Variants in BEAN1 observed in about 807,000 individuals in gnomAD.
BEAN1 encodes the protein protein BEAN1.
A neutral mutation model predicts 17.7 loss-of-function variants in BEAN1; 17 were observed. The ratio of observed to expected loss-of-function variants is 0.96; its 90% CI spans 0.66 to 1.44. The LOEUF (loss-of-function observed/expected upper bound fraction) is 1.44, where lower values mean the gene tolerates loss of function less well. Among genes scored for constraint, BEAN1 ranks in the 40% most tolerant of loss-of-function variants. The pLI is 0.00. For synonymous variants in BEAN1, 142 were observed against 151.8 expected (o/e 0.94, Z 0.47); for missense variants, 359 against 374.1 (o/e 0.96, Z 0.33).
intron 2 of BEAN1, among the ~76,000 whole-genome samples, chr16:66,458,702 T>G (rs1240597936): frequency 6.6e-6 from 1 of 152,090 alleles, no homozygotes; most frequent in Non-Finnish European, 1.5e-5. Context: ...CTTGAACACA[T>G]AACTTTAGCT....
chr16:66,478,666 A>C (rs1318838394), intron 4 of BEAN1, among the ~76,000 whole-genome samples: 1 of 152,228 alleles, frequency 6.6e-6, no homozygotes, highest in African/African-American at 2.4e-5. Context: ...AAAATGACAC[A>C]GAAGTGCCAG....
intron 1 of BEAN1, among the ~76,000 whole-genome samples, chr16:66,431,243 T>C (rs1961786873): frequency 6.6e-6 from 1 of 152,236 alleles, no homozygotes; most frequent in South Asian, 2.1e-4. Context: ...GCAGGATCTC[T>C]TGAGCCCAGG....
intron 2 of BEAN1, among the ~76,000 whole-genome samples, chr16:66,468,360 G>A (rs923508061): frequency 3.3e-5 from 5 of 152,228 alleles, no homozygotes; most frequent in African/African-American, 7.2e-5. Flanking sequence ...CTGGGAGAAC[G>A]TGCAAGGGGA....
intron 3 of BEAN1, among the ~76,000 whole-genome samples, chr16:66,474,679 AAG>A (rs910043476): frequency 1.3e-5 from 2 of 149,036 alleles, no homozygotes; most frequent in South Asian, 2.2e-4. Flanking sequence ...AGAAAGAAGA[AAG>A]AGAAGAGAAG....
chr16:66,451,685 G>A (rs60177591), intron 2 of BEAN1, among the ~76,000 whole-genome samples: 3,772 of 152,246 alleles, frequency 0.025, 164 homozygotes, highest in African/African-American at 0.087. Flanking sequence ...GCTCATAGCC[G>A]AAATTGCTGC....
At chr16:66,476,536 G>C (rs1245738703) in intron 3 of BEAN1, 1 of 152,492 alleles carries the variant, frequency 6.6e-6, no homozygotes, top group Non-Finnish European at 1.5e-5. Context: ...TGGGAGCCCT[G>C]GACTGAGGAG....
chr16:66,478,115 C>T (rs1963831983), intron 4 of BEAN1: 1 of 162,314 alleles, frequency 6.2e-6, no homozygotes, highest in Admixed American at 6.5e-5. Flanking sequence ...GATCAACTTC[C>T]CCCTAGGGAA....
At chr16:66,487,123 T>C (rs1389962078), downstream of BEAN1, among the ~76,000 whole-genome samples, 1 of 152,194 alleles carries the variant, frequency 6.6e-6, no homozygotes, top group African/African-American at 2.4e-5. Flanking sequence ...AGTCTGTGAC[T>C]TGTGGACTTA....
chr16:66,449,221 C>T (rs1454955595), intron 2 of BEAN1, among the ~76,000 whole-genome samples: 1 of 151,824 alleles, frequency 6.6e-6, no homozygotes, highest in Non-Finnish European at 1.5e-5. Flanking sequence ...GAGATTCACC[C>T]ATGTGAGTGC....
chr16:66,475,716 T>G (rs1963709715), intron 3 of BEAN1: 1 of 152,254 alleles, frequency 6.6e-6, no homozygotes, highest in Non-Finnish European at 1.5e-5. Context: ...AGCTCCTTTT[T>G]TACAGCATAT....
rs1963495961 is a variant in BEAN1, at chr16:66,471,874, C to T, written c.289+2009C>T. Among the ~76,000 whole-genome samples, 1 of 152,202 alleles carries T rather than the reference C, an allele frequency of 6.6e-6. No homozygotes were observed. Among genetic ancestry groups the T allele is most frequent in the African/African-American group, 2.4e-5 (1 of 41,456 alleles). On this transcript the variant is annotated intron_variant, in intron 3 of 4. Coordinates refer to ENST00000536005, the MANE Select transcript of BEAN1 (RefSeq NM_001178020.3). This position sits in a 1 kb window ranked among gnomAD's most constrained non-coding sequence, Gnocchi z 4.7. ...CATCACCAACCTGAGGCTGCAGAGTCCAGGGCTCCTGCCCAGAGCATGCCC... is the reference window on the plus strand; with the variant it reads ...CATCACCAACCTGAGGCTGCAGAGTTCAGGGCTCCTGCCCAGAGCATGCCC...
chr16:66,490,440 A>C (rs1320107165), intron 4 of BEAN1, among the ~76,000 whole-genome samples: 4 of 131,486 alleles, frequency 3.0e-5, no homozygotes, highest in Admixed American at 7.5e-5. Context: ...AAAATAAAAT[A>C]AAATAAAATA....
chr16:66,457,605 C>T (rs900078503), intron 2 of BEAN1, among the ~76,000 whole-genome samples: 3 of 152,140 alleles, frequency 2.0e-5, no homozygotes, highest in African/African-American at 7.2e-5. Flanking sequence ...CTCTGTGTTC[C>T]TGCCCATGCT....
intron 4 of BEAN1, among the ~76,000 whole-genome samples, chr16:66,487,946 A>G (rs1035952189): frequency 3.9e-5 from 6 of 152,196 alleles, no homozygotes; most frequent in African/African-American, 1.4e-4. Flanking sequence ...AATGTGAACA[A>G]TGCAATTAAC....
chr16:66,490,454 T>TACAATACAATAC (rs1555522952), intron 4 of BEAN1, among the ~76,000 whole-genome samples: 1 of 45,130 alleles, frequency 2.2e-5, no homozygotes. Flanking sequence ...TAAAATAAAA[T>TACAATACAATAC]AATAAAATAA....
downstream of BEAN1, among the ~76,000 whole-genome samples, chr16:66,494,643 A>G (rs146739456): frequency 8.5e-4 from 129 of 152,200 alleles, 1 homozygote; most frequent in Middle Eastern, 0.037. Context: ...TGTGTAGACA[A>G]CTGGATGTGT....
chr16:66,475,609 C>T (rs1486446881), intron 3 of BEAN1: 1 of 152,260 alleles, frequency 6.6e-6, no homozygotes, highest in African/African-American at 2.4e-5. Flanking sequence ...CACCTTGTTG[C>T]TGTGTGCTGT....
chr16:66,453,640 G>T (rs1425063466), intron 2 of BEAN1, among the ~76,000 whole-genome samples: 1 of 152,092 alleles, frequency 6.6e-6, no homozygotes, highest in Admixed American at 6.6e-5. Flanking sequence ...GGGATTACAG[G>T]CATGAGCCAC....
intron 2 of BEAN1, among the ~76,000 whole-genome samples, chr16:66,446,721 T>C (rs773982983): frequency 2.0e-5 from 3 of 152,060 alleles, no homozygotes; most frequent in Non-Finnish European, 4.4e-5. Flanking sequence ...TCTAGAAGTC[T>C]TGCCAGGGAA....
Sources: gnomAD v4.1 joint callset for allele counts (sites outside exome capture counted in the v4.1 genomes callset) on GRCh38, gnomAD v4.1.1 for gene constraint, Gnocchi (gnomAD v3.1) non-coding constraint, MANE v1.5 for transcripts, NCBI Gene and HGNC (gene_info 2026-07-23, HGNC 2026-07-21) for gene names.